Variants in TRIM3 observed in about 807,000 individuals in gnomAD.
TRIM3 encodes the protein tripartite motif-containing protein 3.
A neutral mutation model predicts 66.6 loss-of-function variants in TRIM3; 13 were observed. The observed-to-expected ratio is 0.20, with a 90% confidence interval of 0.13 to 0.31. TRIM3 has a LOEUF of 0.31. Among genes scored for constraint, TRIM3 ranks in the 10% least tolerant of loss-of-function variants. The pLI is 1.00. For missense variants in TRIM3, 711 were observed against 1,020.4 expected, an observed-to-expected ratio of 0.70 and a Z score of 4.13; for synonymous variants, 406 against 411.7, an observed-to-expected ratio of 0.99 and a Z score of 0.17.
rs746724078 is a variant in TRIM3, at chr11:6,457,065, T to C, written c.697-36A>G. ...GTAGGGGAGGAGTGGGTGAGCAGAC[T>C]GGCACAGGGGGAGTCTCTGTGATTA... On this transcript the variant is annotated intron_variant, in intron 5 of 11. Transcript: ENST00000345851. This position sits in a 1 kb window ranked among gnomAD's most constrained non-coding sequence, Gnocchi z 4.5. The C allele has an allele frequency of 1.9e-6, 3 of 1,563,856 alleles. No individual in the cohort carries two copies. Among genetic ancestry groups the C allele is most frequent in the Non-Finnish European group, 1.7e-6 (2 of 1,156,264 alleles).
In TRIM3 at chr11:6,458,973, C is replaced by A. The variant is rs1194960286; in HGVS notation, c.132-677G>T. 6.6e-6 allele frequency among the ~76,000 whole-genome samples: 1 copy of A among 152,128 alleles called. No homozygotes were observed. The highest frequency in any genetic ancestry group is 6.5e-5 in the Admixed American group (1 of 15,278). ...TTGAAGAGGATTAAATGTAAAATGC[C>A]TGACTCATAATAGCACTATATATGG... On this transcript the variant is annotated intron_variant, in intron 2 of 11. Transcript: ENST00000345851. This position sits in a 1 kb window ranked among gnomAD's most constrained non-coding sequence, Gnocchi z 6.2.
intron 1 of TRIM3, among the ~76,000 whole-genome samples, chr11:6,465,985 T>G (rs1325584599): frequency 6.6e-6 from 1 of 152,224 alleles, no homozygotes; most frequent in Non-Finnish European, 1.5e-5. Context: ...GGACAATCCA[T>G]GTAACTTCTC....
At chr11:6,469,279 G>A (rs112833667) in intron 1 of TRIM3, among the ~76,000 whole-genome samples, 2 of 152,234 alleles carry the variant, frequency 1.3e-5, no homozygotes, top group African/African-American at 4.8e-5. Flanking sequence ...ACAGGGGCGG[G>A]GATTGGGCTA....
chr11:6,451,119 A>C (rs1485717779), intron 8 of TRIM3, 59 bp from the exon 9 acceptor site: 4 of 1,604,012 alleles, frequency 2.5e-6, no homozygotes, highest in Non-Finnish European at 3.4e-6. Context: ...AGTAGTCCTA[A>C]CCCAGTACCA....
At chr11:6,455,969 G>T in intron 7 of TRIM3, 103 bp downstream of exon 7, 5 of 1,103,486 alleles carry the variant, frequency 4.5e-6, no homozygotes, top group Non-Finnish European at 5.4e-6. Flanking sequence ...CTATCTGTAG[G>T]GTTCCATCTT....
chr11:6,457,308 C>T lies in TRIM3; in HGVS notation c.684G>A (p.Gly228=). ...ALVSDLETIC[G]AKQKVLQSQL... ...ACACAAGACACACCTTCTGTTTGGC[C>T]CCACAAATGGTCTCCAGGTCGCTGA... Residue 228 remains glycine, a synonymous_variant, in exon 5 of 12, where the codon GGG becomes GGA. Coordinates refer to ENST00000345851, the MANE Select transcript of TRIM3 (RefSeq NM_033278.4). This position sits in a 1 kb window ranked among gnomAD's most constrained non-coding sequence, Gnocchi z 4.5. The T allele has an allele frequency of 6.2e-7, 1 of 1,614,062 alleles. No individual in the cohort carries two copies.
rs376023603 is a variant in TRIM3 at position 6,456,548 on chromosome 11, C to A, written c.1178G>T (p.Arg393Leu). 6.2e-7 allele frequency: 1 copy of A among 1,605,738 alleles called. No individual in the cohort carries two copies. The highest frequency in any genetic ancestry group is 1.3e-5 in the African/African-American group (1 of 74,898). ...CGAGAGGAGCAGCTCGCCTTCCGTG[C>A]GCGCTGTGTACACTAGCTCATATGT... ...NGTYELVYTA[R>L]TEGELLLSVL... The change falls in exon 6 of 12, where the codon CGC becomes CTC. Residue 393 changes from arginine (R) to leucine (L), a missense_variant. By Grantham distance (102) the Arg-to-Leu change is moderately radical (BLOSUM62 -2). Around this residue, in one of 3 missense-constraint regions of TRIM3, gnomAD observed 399 missense variants for 458.1 expected, o/e 0.87. Transcript: ENST00000345851. The surrounding 1 kb of genome is among the most constrained non-coding windows in gnomAD (Gnocchi z 6.4).
In TRIM3 at chr11:6,458,426, G is replaced by T. The variant is rs962047951; in HGVS notation, c.132-130C>A. On this transcript the variant is annotated intron_variant, in intron 2 of 11. Coordinates refer to ENST00000345851, the MANE Select transcript of TRIM3 (RefSeq NM_033278.4). This position sits in a 1 kb window ranked among gnomAD's most constrained non-coding sequence, Gnocchi z 6.2. ...TTACACTTCATTTTAAAACCTCTCT[G>T]CTTGACACATCTCATCTGCCAGCAG... 4.1e-6 allele frequency: 3 copies of T among 726,696 alleles called. No homozygotes were observed. The East Asian group carries it at 8.2e-5, about 20-fold the overall frequency. 45.0% of individuals were successfully genotyped at this position (726,696 alleles called of 1,614,324 possible).
chr11:6,465,843 G>A lies in TRIM3; in HGVS notation c.-37-111C>T, dbSNP rs1850442029. ...TTGCCCCCACCTCTTCCCTGCTAGGGGCAAGACAGGGCAGTGACTGGAAGG... is the reference window on the plus strand; with the variant it reads ...TTGCCCCCACCTCTTCCCTGCTAGGAGCAAGACAGGGCAGTGACTGGAAGG... On this transcript the variant is annotated intron_variant, in intron 1 of 11. Coordinates refer to ENST00000345851, the MANE Select transcript of TRIM3 (RefSeq NM_033278.4). 1.5e-5 allele frequency: 13 copies of A among 869,566 alleles called. No individual in the cohort carries two copies. In the Middle Eastern group the frequency reaches 1.1e-3, roughly 70 times the overall value. 53.9% of individuals were successfully genotyped at this position (869,566 alleles called of 1,614,324 possible). A position where few individuals can be genotyped will look rare whatever the true frequency, so the allele number is the denominator to read the frequency against.
In TRIM3 at chr11:6,456,946, G is replaced by A. The variant is rs748734710; in HGVS notation, c.780C>T (p.Arg260=). 1.2e-6 allele frequency: 2 copies of A among 1,610,122 alleles called. No homozygotes were observed. The highest frequency in any genetic ancestry group is 3.3e-5 in the Admixed American group (2 of 60,024). ...SSCSFAEQAL[R]LGSAPEVLLV... is the part of the protein sequence containing the mutation. ...GCAACACCTCCGGGGCCGAGCCCAG[G>A]CGCAGTGCCTGCTCTGCAAAGCTGC... Residue 260 remains arginine, a synonymous_variant, in exon 6 of 12, where the codon CGC becomes CGT. Coordinates refer to ENST00000345851, the MANE Select transcript of TRIM3 (RefSeq NM_033278.4). This position sits in a 1 kb window ranked among gnomAD's most constrained non-coding sequence, Gnocchi z 6.4.
At position 6,456,875 on chromosome 11, in the gene TRIM3, T is replaced by C. The variant is rs574964767; in HGVS notation, c.851A>G (p.Gln284Arg). 1.9e-6 allele frequency: 3 copies of C among 1,612,548 alleles called. No homozygotes were observed. The highest frequency in any genetic ancestry group is 1.1e-5 in the South Asian group (1 of 91,086). ...MRERLAALAA[Q>R]AFPERPHENA... ...CTCATGTGGCCGCTCCGGGAAGGCC[T>C]GTGCCGCCAATGCAGCCAGCCGCTC... is the stretch of plus-strand genomic sequence containing the variant. The change falls in exon 6 of 12, where the codon CAG becomes CGG. Residue 284 changes from glutamine to arginine, a missense_variant. Gln to Arg is a conservative substitution (Grantham distance 43). Transcript: ENST00000345851. This position sits in a 1 kb window ranked among gnomAD's most constrained non-coding sequence, Gnocchi z 6.4.
chr11:6,453,549 G>C (rs1849828699), intron 7 of TRIM3, among the ~76,000 whole-genome samples: 1 of 152,122 alleles, frequency 6.6e-6, no homozygotes, highest in African/African-American at 2.4e-5. Flanking sequence ...AAACAAACCA[G>C]TGATTCCAGT....
intron 7 of TRIM3, among the ~76,000 whole-genome samples, chr11:6,455,641 C>A (rs997932272): frequency 1.3e-5 from 2 of 152,134 alleles, no homozygotes; most frequent in African/African-American, 4.8e-5. Flanking sequence ...AACCTGATAA[C>A]TGCAGAGACT....
At position 6,458,542 on chromosome 11, in the gene TRIM3, A is replaced by T. The variant is rs1175710576; in HGVS notation, c.132-246T>A. Among the ~76,000 whole-genome samples the T allele has an allele frequency of 6.6e-6, 1 of 152,184 alleles. No homozygotes were observed. The highest frequency in any genetic ancestry group is 6.5e-5 in the Admixed American group (1 of 15,278). ...TATCCACATTCCTCACAGTGTGCAC[A>T]CAGGCTCACCTTTCACAGGTGTTTA... is the stretch of plus-strand genomic sequence containing the variant. On this transcript the variant is annotated intron_variant, in intron 2 of 11. Coordinates refer to ENST00000345851, the MANE Select transcript of TRIM3 (RefSeq NM_033278.4). This position sits in a 1 kb window ranked among gnomAD's most constrained non-coding sequence, Gnocchi z 6.2.
chr11:6,450,716 AG>A lies in TRIM3; in HGVS notation c.1871-96del, dbSNP rs1402614472. On this transcript the variant is annotated intron_variant, in intron 9 of 11. Coordinates refer to ENST00000345851, the MANE Select transcript of TRIM3 (RefSeq NM_033278.4). The surrounding 1 kb of genome is among the most constrained non-coding windows in gnomAD (Gnocchi z 4.8). ...AAGATAAAAGCTAGGGTGTTAGGAG[AG>A]GGGTGGGGTCTCCAGGACTGAGACA... 2 of 1,410,410 alleles carry A rather than the reference AG, an allele frequency of 1.4e-6. No individual in the cohort carries two copies. The allele number at this position is 1,410,410 out of a possible 1,614,324, so 87.4% of individuals were successfully genotyped here.
In TRIM3 at chr11:6,456,871, G is replaced by A. The variant is rs143831223; in HGVS notation, c.855C>T (p.Ala285=). Residue 285 remains alanine (A), a synonymous_variant, in exon 6 of 12, where the codon GCC becomes GCT. Coordinates refer to ENST00000345851, the MANE Select transcript of TRIM3 (RefSeq NM_033278.4). The surrounding 1 kb of genome is among the most constrained non-coding windows in gnomAD (Gnocchi z 6.4). The stretch of plus-strand genomic sequence containing the variant: ...CATTCTCATGTGGCCGCTCCGGGAA[G>A]GCCTGTGCCGCCAATGCAGCCAGCC... ...RERLAALAAQ[A]FPERPHENAQ... is the part of the protein sequence containing the mutation. 1.1e-5 allele frequency: 17 copies of A among 1,612,484 alleles called. No homozygotes were observed. The highest frequency in any genetic ancestry group is 1.3e-5 in the African/African-American group (1 of 74,952).
rs751290712 is a variant in TRIM3 at position 6,448,929 on chromosome 11, A to G, written c.*99T>C. On this transcript the variant is annotated 3_prime_UTR_variant, in exon 12 of 12. Coordinates refer to ENST00000345851, the MANE Select transcript of TRIM3 (RefSeq NM_033278.4). ...GGGTGCACCCATGCCCACAGCCCAC[A>G]TTCAGTGCTGCCAGGTCTGGCCCAC... is the stretch of plus-strand genomic sequence containing the variant. 3.3e-6 allele frequency: 5 copies of G among 1,506,408 alleles called. No individual in the cohort carries two copies. Among genetic ancestry groups the G allele is most frequent in the Non-Finnish European group, 4.6e-6 (5 of 1,093,124 alleles). 93.3% of individuals were successfully genotyped at this position (1,506,408 alleles called of 1,614,324 possible). A position where few individuals can be genotyped will look rare whatever the true frequency, so the allele number is the denominator to read the frequency against.
chr11:6,451,339 C>T lies in TRIM3; in HGVS notation c.1633G>A (p.Gly545Arg). 6.2e-7 allele frequency: 1 copy of T among 1,614,238 alleles called. No individual in the cohort carries two copies. Among genetic ancestry groups the T allele is most frequent in the Non-Finnish European group, 8.5e-7 (1 of 1,180,050 alleles). ...RPTGVAVDTN[G>R]DIIVADYDNR... Reference sequence around the variant, plus strand: ...TCATAGTCTGCCACAATTATGTCTCCATTGGTGTCCACTGCCACACCTGTG... The same window carrying T: ...TCATAGTCTGCCACAATTATGTCTCTATTGGTGTCCACTGCCACACCTGTG... The change falls in exon 8 of 12, where the codon GGA becomes AGA. Residue 545 changes from glycine (G) to arginine (R), a missense_variant. Coordinates refer to ENST00000345851, the MANE Select transcript of TRIM3 (RefSeq NM_033278.4).
chr11:6,453,383 A>G (rs961546371), intron 7 of TRIM3: 1 of 152,204 alleles, frequency 6.6e-6, no homozygotes, highest in African/African-American at 2.4e-5. Flanking sequence ...CTTCCTTAAT[A>G]TCTCTAGAAT....
Sources: gnomAD v4.1 joint callset for allele counts (sites outside exome capture counted in the v4.1 genomes callset) on GRCh38, gnomAD v4.1.1 for gene constraint, gnomAD v4.1.1 regional missense constraint, Gnocchi (gnomAD v3.1) non-coding constraint, MANE v1.5 for transcripts, NCBI Gene and HGNC (gene_info 2026-07-23, HGNC 2026-07-21) for gene names.